Variants in MIR2052HG observed in about 807,000 individuals in gnomAD.
MIR2052HG encodes the protein MIR2052 host gene.
intron 2 of MIR2052HG, among the ~76,000 whole-genome samples, chr8:74,638,226 G>T (rs925691003): frequency 6.6e-6 from 1 of 152,102 alleles, no homozygotes; most frequent in African/African-American, 2.4e-5. Context: ...ATGAGAAAGT[G>T]TGGAGCCTTC....
intron 4 of MIR2052HG, among the ~76,000 whole-genome samples, chr8:74,739,765 T>C (rs957296111): frequency 6.6e-6 from 1 of 152,188 alleles, no homozygotes; most frequent in African/African-American, 2.4e-5. Flanking sequence ...AATCAGTATT[T>C]GGATCACATC....
chr8:74,658,850 C>T (rs1808833856), intron 2 of MIR2052HG, among the ~76,000 whole-genome samples: 1 of 152,130 alleles, frequency 6.6e-6, no homozygotes, highest in Non-Finnish European at 1.5e-5. Flanking sequence ...TACATGTTTG[C>T]ACCAAGAAGG....
At chr8:74,675,315 A>G (rs1452663420) in intron 2 of MIR2052HG, among the ~76,000 whole-genome samples, 3 of 152,196 alleles carry the variant, frequency 2.0e-5, no homozygotes, top group African/African-American at 7.2e-5. Flanking sequence ...CTGAACATGT[A>G]CATACTTTCT....
At chr8:74,660,137 CT>C (rs1462124246) in intron 2 of MIR2052HG, among the ~76,000 whole-genome samples, 1 of 152,146 alleles carries the variant, frequency 6.6e-6, no homozygotes, top group East Asian at 1.9e-4. Flanking sequence ...AATGGCTGAT[CT>C]TTTTCATGAA....
intron 4 of MIR2052HG, among the ~76,000 whole-genome samples, chr8:74,750,744 G>A (rs1809935881): frequency 6.6e-6 from 1 of 152,142 alleles, no homozygotes; most frequent in Non-Finnish European, 1.5e-5. Context: ...TTTAATAAGT[G>A]TAGTTTTAGC....
intron 2 of MIR2052HG, among the ~76,000 whole-genome samples, chr8:74,658,912 T>C (rs2128736791): frequency 6.6e-6 from 1 of 152,330 alleles, no homozygotes; most frequent in Non-Finnish European, 1.5e-5. Flanking sequence ...GGGCTTTTAC[T>C]CATCTTCACA....
intron 2 of MIR2052HG, among the ~76,000 whole-genome samples, chr8:74,617,099 T>C (rs1035551271): frequency 6.6e-6 from 1 of 152,218 alleles, no homozygotes; most frequent in Non-Finnish European, 1.5e-5. Flanking sequence ...TAAACATTTT[T>C]AATTTTTAAT....
chr8:74,640,729 G>A (rs1469232853), intron 2 of MIR2052HG, among the ~76,000 whole-genome samples: 1 of 152,166 alleles, frequency 6.6e-6, no homozygotes, highest in East Asian at 1.9e-4. Context: ...TCCCAGGAAA[G>A]CTTTCCATAA....
chr8:74,662,528 A>G (rs962808472), intron 2 of MIR2052HG, among the ~76,000 whole-genome samples: 4 of 152,152 alleles, frequency 2.6e-5, no homozygotes, highest in Non-Finnish European at 4.4e-5. Flanking sequence ...TGGCACATGT[A>G]TACATATGTA....
intron 4 of MIR2052HG, among the ~76,000 whole-genome samples, chr8:74,726,314 G>C (rs1319169834): frequency 2.0e-5 from 3 of 152,138 alleles, no homozygotes; most frequent in Admixed American, 1.3e-4. Flanking sequence ...TCAAAAGCTT[G>C]CTCACTATTG....
intron 4 of MIR2052HG, among the ~76,000 whole-genome samples, chr8:74,704,475 G>A (rs10103534): frequency 0.018 from 2,788 of 152,078 alleles, 71 homozygotes; most frequent in African/African-American, 0.063. Context: ...CTGGCCATAG[G>A]AGATCCAGCA....
chr8:74,674,698 G>A (rs535075278), intron 2 of MIR2052HG, among the ~76,000 whole-genome samples: 14 of 151,748 alleles, frequency 9.2e-5, no homozygotes, highest in Admixed American at 2.6e-4. Flanking sequence ...TTGCTAAAAC[G>A]TATCTTAGAC....
chr8:74,719,179 G>C (rs957507194), intron 4 of MIR2052HG, among the ~76,000 whole-genome samples: 4 of 151,572 alleles, frequency 2.6e-5, no homozygotes, highest in Admixed American at 6.6e-5. Flanking sequence ...AATTTTGAGT[G>C]CTGCTCCATC....
At chr8:74,605,099 C>CCTAA (rs374544089) in intron 1 of MIR2052HG, among the ~76,000 whole-genome samples, 23 of 152,176 alleles carry the variant, frequency 1.5e-4, no homozygotes, top group African/African-American at 5.3e-4. Flanking sequence ...CTTGTTGCAC[C>CCTAA]CTAACTTCAT....
intron 2 of MIR2052HG, among the ~76,000 whole-genome samples, chr8:74,650,656 C>T (rs978034332): frequency 6.6e-6 from 1 of 152,098 alleles, no homozygotes; most frequent in Non-Finnish European, 1.5e-5. Flanking sequence ...TTACACTCCA[C>T]CAGAAATGCA....
intron 2 of MIR2052HG, among the ~76,000 whole-genome samples, chr8:74,646,676 T>C (rs1808692399): frequency 6.6e-6 from 1 of 152,124 alleles, no homozygotes; most frequent in Non-Finnish European, 1.5e-5. Flanking sequence ...GTAATCCCAA[T>C]ACTTAGGGGA....
chr8:74,639,363 C>T lies in MIR2052HG; in HGVS notation n.216+26423C>T, dbSNP rs1029701300. 4.6e-5 allele frequency among the ~76,000 whole-genome samples: 7 copies of T among 152,116 alleles called. No homozygotes were observed. The East Asian group carries it at 5.8e-4, about 13-fold the overall frequency. On this transcript the variant is annotated intron_variant and non_coding_transcript_variant, in intron 2 of 6. Transcript: ENST00000523442. ...TATGTTCATCTGTCATTTTATACAC[C>T]TTATATGATCTTTGTAACAGGCTAC...
chr8:74,615,964 A>G (rs1808276510), intron 2 of MIR2052HG, among the ~76,000 whole-genome samples: 2 of 152,148 alleles, frequency 1.3e-5, no homozygotes, highest in Non-Finnish European at 1.5e-5. Flanking sequence ...ATGGCTGCAT[A>G]GTATTCCATG....
intron 4 of MIR2052HG, among the ~76,000 whole-genome samples, chr8:74,734,386 A>G (rs1809725856): frequency 6.6e-6 from 1 of 152,192 alleles, no homozygotes; most frequent in Non-Finnish European, 1.5e-5. Context: ...ATAATTCTCA[A>G]ATGAGTTTGT....
Sources: gnomAD v4.1 joint callset for allele counts (sites outside exome capture counted in the v4.1 genomes callset) on GRCh38, gnomAD v4.1.1 for gene constraint, MANE v1.5 for transcripts, NCBI Gene and HGNC (gene_info 2026-07-23, HGNC 2026-07-21) for gene names.